ARHGEF11: variants seen among roughly 807,000 people sequenced by gnomAD.
The protein encoded by ARHGEF11 is Rho guanine exchange factor (GEF) 11.
A neutral mutation model predicts 193.7 loss-of-function variants in ARHGEF11; 55 were observed. The ratio of observed to expected loss-of-function variants is 0.28; its 90% CI spans 0.23 to 0.36. The LOEUF is 0.36. Ranked by LOEUF, ARHGEF11 falls within the 10% of genes least tolerant of loss-of-function variation. The pLI, the probability that ARHGEF11 is intolerant of heterozygous loss-of-function variation, is 1.00. For missense variants in ARHGEF11, 1,723 were observed against 2,005.6 expected, an observed-to-expected ratio of 0.86 and a Z score of 2.69; for synonymous variants, 693 against 768.0, an observed-to-expected ratio of 0.90 and a Z score of 1.62.
chr1:156,963,239 T>A lies in ARHGEF11; in HGVS notation c.1104A>T (p.Leu368=). ...GGTCCGCCTGAGAGAAGATGTAACG[T>A]AGAAAAACCCCCAGGTGAGCTGGCC... ...KSRPAHLGVF[L]RYIFSQADPS... is the part of the protein sequence containing the mutation. The change falls in exon 13 of 41, where the codon CTA becomes CTT. Residue 368 remains leucine (L), a synonymous_variant. Transcript: ENST00000368194. 2 of 1,614,054 alleles carry A rather than the reference T, an allele frequency of 1.2e-6. No individual in the cohort carries two copies. Among genetic ancestry groups the A allele is most frequent in the Non-Finnish European group, 1.7e-6 (2 of 1,179,998 alleles).
intron 31 of ARHGEF11, 96 bp from the exon 32 acceptor site, chr1:156,944,198 TC>T: frequency 6.7e-7 from 1 of 1,493,336 alleles, no homozygotes. Context: ...CTCTAGGAAG[TC>T]CTGGGAGTCT....
intron 1 of ARHGEF11, among the ~76,000 whole-genome samples, chr1:157,020,190 G>A (rs1424663277): frequency 6.6e-6 from 1 of 152,020 alleles, no homozygotes; most frequent in Non-Finnish European, 1.5e-5. Context: ...TTTTGGAGGT[G>A]ATGGGTATGT....
At chr1:156,975,119 C>T (rs765286108) in intron 7 of ARHGEF11, among the ~76,000 whole-genome samples, 4 of 152,220 alleles carry the variant, frequency 2.6e-5, no homozygotes, top group Non-Finnish European at 5.9e-5. Flanking sequence ...CACTATTTTA[C>T]ACTCCCACCA....
intron 1 of ARHGEF11, among the ~76,000 whole-genome samples, chr1:157,019,105 C>T (rs1327751690): frequency 1.3e-5 from 2 of 152,060 alleles, no homozygotes; most frequent in African/African-American, 4.8e-5. Flanking sequence ...ACAAAGAGTA[C>T]AAACTATAAA....
At chr1:157,008,631 C>T (rs1194739235) in intron 1 of ARHGEF11, among the ~76,000 whole-genome samples, 1 of 152,152 alleles carries the variant, frequency 6.6e-6, no homozygotes, top group Non-Finnish European at 1.5e-5. Flanking sequence ...TTGGATTTTC[C>T]CCCAGTGGCA....
At chr1:157,017,146 G>T (rs1396304578) in intron 1 of ARHGEF11, among the ~76,000 whole-genome samples, 1 of 152,114 alleles carries the variant, frequency 6.6e-6, no homozygotes, top group Non-Finnish European at 1.5e-5. Flanking sequence ...TCCCCAGATA[G>T]CTCAGTTTAA....
At chr1:157,018,331 T>C (rs1669532601) in intron 1 of ARHGEF11, among the ~76,000 whole-genome samples, 1 of 152,038 alleles carries the variant, frequency 6.6e-6, no homozygotes. Context: ...GACAAATTGA[T>C]TCCAAAATCT....
At chr1:157,007,498 A>C (rs1224355678) in intron 1 of ARHGEF11, among the ~76,000 whole-genome samples, 1 of 152,154 alleles carries the variant, frequency 6.6e-6, no homozygotes, top group Non-Finnish European at 1.5e-5. Context: ...TGAGATTTAT[A>C]AAAGGGCTGT....
chr1:156,944,526 C>T lies in ARHGEF11; in HGVS notation c.2992-93G>A, dbSNP rs977306565. 10 of 1,367,230 alleles carry T rather than the reference C, an allele frequency of 7.3e-6. No individual in the cohort carries two copies. In the African/African-American group the frequency reaches 1.4e-4, roughly 20 times the overall value. 84.7% of individuals were successfully genotyped at this position (1,367,230 alleles called of 1,614,324 possible). On this transcript the variant is annotated intron_variant, in intron 30 of 40. Coordinates refer to ENST00000368194, the MANE Select transcript of ARHGEF11 (RefSeq NM_198236.3). ...GTGTGCCAGACATTGTGTTAAGGTGCTGGGAATTGGTAAATAAGAAAAAGT... is the reference window on the plus strand; with the variant it reads ...GTGTGCCAGACATTGTGTTAAGGTGTTGGGAATTGGTAAATAAGAAAAAGT...
chr1:156,937,118 C>T (rs868187), intron 39 of ARHGEF11, 113 bp from the exon 40 acceptor site: 326,691 of 1,562,956 alleles, frequency 0.21, 38,819 homozygotes, highest in African/African-American at 0.5. Flanking sequence ...GGTGGCTGGG[C>T]GGGCTGGGGG....
chr1:156,970,495 T>C (rs1470268318), intron 8 of ARHGEF11, among the ~76,000 whole-genome samples: 1 of 152,216 alleles, frequency 6.6e-6, no homozygotes, highest in African/African-American at 2.4e-5. Context: ...TGCTTTGCTG[T>C]TTACAAAGCA....
chr1:157,018,168 C>A (rs1370755899), intron 1 of ARHGEF11, among the ~76,000 whole-genome samples: 1 of 152,088 alleles, frequency 6.6e-6, no homozygotes, highest in Non-Finnish European at 1.5e-5. Context: ...CAAAACATTG[C>A]TGAGAGAACT....
At chr1:156,989,610 T>G (rs534863483) in intron 1 of ARHGEF11, among the ~76,000 whole-genome samples, 1 of 152,332 alleles carries the variant, frequency 6.6e-6, no homozygotes, top group South Asian at 2.1e-4. Context: ...GATGCTATAC[T>G]CATTCCCACC....
intron 7 of ARHGEF11, among the ~76,000 whole-genome samples, chr1:156,976,218 C>A (rs1398773893): frequency 6.6e-6 from 1 of 152,136 alleles, no homozygotes; most frequent in East Asian, 1.9e-4. Context: ...CCTATGCTGT[C>A]TTTTCACTGG....
chr1:156,980,577 T>C, intron 3 of ARHGEF11, 91 bp from the exon 4 acceptor site: 1 of 1,379,854 alleles, frequency 7.2e-7, no homozygotes. Context: ...TCCTCTGAAA[T>C]TTCCTCTTAT....
At chr1:156,975,386 G>A (rs1054160563) in intron 7 of ARHGEF11, among the ~76,000 whole-genome samples, 1 of 152,178 alleles carries the variant, frequency 6.6e-6, no homozygotes, top group African/African-American at 2.4e-5. Context: ...TCCTTTGCAA[G>A]TTTTTAAATT....
chr1:157,028,010 A>G (rs1351378122), intron 1 of ARHGEF11, among the ~76,000 whole-genome samples: 1 of 152,212 alleles, frequency 6.6e-6, no homozygotes, highest in Non-Finnish European at 1.5e-5. Flanking sequence ...GCCAGAGTGA[A>G]GAAGTCTCTG....
At chr1:157,036,050 T>C (rs1404467951) in intron 1 of ARHGEF11, among the ~76,000 whole-genome samples, 1 of 143,526 alleles carries the variant, frequency 7.0e-6, no homozygotes, top group Non-Finnish European at 1.5e-5. Context: ...TATGAATCTA[T>C]ATAGGAATAT....
upstream of ARHGEF11, among the ~76,000 whole-genome samples, chr1:157,045,979 C>T (rs1334750961): frequency 6.6e-6 from 1 of 150,892 alleles, no homozygotes; most frequent in African/African-American, 2.4e-5. Context: ...GGGAAGCTGA[C>T]CGCCTTTCCC....
Sources: allele counts gnomAD v4.1 joint callset (sites outside exome capture counted in the v4.1 genomes callset), GRCh38; gene constraint gnomAD v4.1.1; transcripts MANE v1.5; gene names NCBI Gene and HGNC (gene_info 2026-07-23, HGNC 2026-07-21).